Variants in LRRC37A2 observed in about 807,000 individuals in gnomAD.
LRRC37A2 encodes leucine-rich repeat-containing protein 37A2.
LRRC37A2 carries 9 observed loss-of-function variants against 68.8 expected under a neutral mutation model. The ratio of observed to expected loss-of-function variants is 0.13; its 90% CI spans 0.08 to 0.23. LRRC37A2 has a LOEUF of 0.23. Among genes scored for constraint, LRRC37A2 ranks in the 10% least tolerant of loss-of-function variants. The pLI, the probability that LRRC37A2 is intolerant of heterozygous loss-of-function variation, is 1.00. For synonymous variants in LRRC37A2, 63 were observed against 367.6 expected (o/e 0.17, Z 9.48); for missense variants, 168 against 950.4 (o/e 0.18, Z 10.82).
At chr17:47,000,039 A>ATAAAATAAAATAAAAT in the LRRC37A2 span, among the ~76,000 whole-genome samples, 90 of 25,804 alleles carry the variant, frequency 3.5e-3, no homozygotes, top group African/African-American at 6.4e-3. Flanking sequence ...AAAATAAAAT[A>ATAAAATAAAATAAAAT]AAATAAAATA....
At chr17:46,930,932 G>A in the LRRC37A2 span, 17 of 616,208 alleles carry the variant, frequency 2.8e-5, no homozygotes, top group Non-Finnish European at 4.1e-5. Flanking sequence ...CAACATTTAC[G>A]GCCTAACTTG....
chr17:46,875,316 A>G, the LRRC37A2 span: 1 of 1,613,598 alleles, frequency 6.2e-7, no homozygotes, highest in Non-Finnish European at 8.5e-7. Flanking sequence ...GAGAGGAAAC[A>G]AGGACCTGCG....
At chr17:46,806,495 C>T in the LRRC37A2 span, among the ~76,000 whole-genome samples, 1 of 152,196 alleles carries the variant, frequency 6.6e-6, no homozygotes. Context: ...AGGCGTGAGC[C>T]ACCGCGCCCA....
chr17:46,936,684 G>A, the LRRC37A2 span: 1 of 985,136 alleles, frequency 1.0e-6, no homozygotes, highest in Non-Finnish European at 1.2e-6. Flanking sequence ...TGATTTAGAA[G>A]GTTGATCCTT....
chr17:46,956,683 A>G, the LRRC37A2 span, among the ~76,000 whole-genome samples: 1 of 152,166 alleles, frequency 6.6e-6, no homozygotes. Context: ...GTCAAATGCA[A>G]GTAGACGCTG....
At chr17:46,890,944 C>T in the LRRC37A2 span, among the ~76,000 whole-genome samples, 1 of 152,312 alleles carries the variant, frequency 6.6e-6, no homozygotes, top group Admixed American at 6.5e-5. Flanking sequence ...CATTAACAGC[C>T]CCTGAGGTAG....
the LRRC37A2 span, chr17:46,711,109 G>C: frequency 6.6e-7 from 1 of 1,506,976 alleles, no homozygotes; most frequent in Middle Eastern, 1.7e-4. Context: ...TGGTCAGCGT[G>C]CTTCTGGAAG....
chr17:46,934,815 T>C, the LRRC37A2 span, among the ~76,000 whole-genome samples: 1 of 152,142 alleles, frequency 6.6e-6, no homozygotes, highest in Admixed American at 6.5e-5. Flanking sequence ...TGGAACTCAT[T>C]TGGAGAGTGA....
the LRRC37A2 span, among the ~76,000 whole-genome samples, chr17:46,981,432 T>TTCTCTC: frequency 2.6e-5 from 4 of 152,284 alleles, no homozygotes; most frequent in East Asian, 7.7e-4. Flanking sequence ...CTCTTTCTCT[T>TTCTCTC]TCTCTCTCTT....
chr17:46,947,919 C>T, the LRRC37A2 span, among the ~76,000 whole-genome samples: 1 of 152,204 alleles, frequency 6.6e-6, no homozygotes, highest in Admixed American at 6.5e-5. Context: ...CAGGCATGTG[C>T]CACCACGCCT....
the LRRC37A2 span, among the ~76,000 whole-genome samples, chr17:46,864,715 C>G: frequency 6.6e-6 from 1 of 152,148 alleles, no homozygotes; most frequent in Non-Finnish European, 1.5e-5. Context: ...CAAGCAGAAA[C>G]TGCCAGGCTT....
the LRRC37A2 span, among the ~76,000 whole-genome samples, chr17:46,725,828 C>T: frequency 2.6e-5 from 4 of 152,128 alleles, no homozygotes; most frequent in Non-Finnish European, 5.9e-5. Context: ...CACCTGTAGT[C>T]TCTGGAATAG....
At chr17:47,041,426 A>T in the LRRC37A2 span, among the ~76,000 whole-genome samples, 5 of 37,074 alleles carry the variant, frequency 1.3e-4, no homozygotes, top group South Asian at 1.1e-3. Context: ...TGTTGCTTTT[A>T]TGAAGGGATG....
the LRRC37A2 span, among the ~76,000 whole-genome samples, chr17:46,856,614 G>C: frequency 6.6e-6 from 1 of 151,756 alleles, no homozygotes; most frequent in Non-Finnish European, 1.5e-5. Context: ...CTCTCAAGTA[G>C]ATGGGATGAC....
At chr17:46,746,117 C>T in the LRRC37A2 span, among the ~76,000 whole-genome samples, 1 of 152,208 alleles carries the variant, frequency 6.6e-6, no homozygotes, top group Non-Finnish European at 1.5e-5. Context: ...TATTTTGCAT[C>T]TGTCTTTCTG....
At chr17:46,476,541 G>A in the LRRC37A2 span, among the ~76,000 whole-genome samples, 1 of 97,734 alleles carries the variant, frequency 1.0e-5, no homozygotes. Flanking sequence ...AAACTTAGCC[G>A]AGTGTGGTGG....
chr17:46,941,380 G>T, the LRRC37A2 span: 2 of 982,040 alleles, frequency 2.0e-6, no homozygotes, highest in Non-Finnish European at 2.4e-6. Context: ...TTTTGTAAAA[G>T]AATTCGATAT....
At chr17:46,878,225 G>A in the LRRC37A2 span, among the ~76,000 whole-genome samples, 4 of 152,344 alleles carry the variant, frequency 2.6e-5, no homozygotes, top group East Asian at 1.9e-4. Context: ...GCCCTGCCAC[G>A]CCCATCTGTC....
the LRRC37A2 span, among the ~76,000 whole-genome samples, chr17:46,911,085 CAAT>C: frequency 6.6e-6 from 1 of 152,176 alleles, no homozygotes; most frequent in African/African-American, 2.4e-5. Context: ...ATCACTGTGA[CAAT>C]AACACTCAAA....
Sources: allele counts gnomAD v4.1 joint callset (sites outside exome capture counted in the v4.1 genomes callset), GRCh38; gene constraint gnomAD v4.1.1; transcripts MANE v1.5; gene names NCBI Gene and HGNC (gene_info 2026-07-23, HGNC 2026-07-21).